The following FGF20 variants were observed in gnomAD, a reference collection of about 807,000 sequenced individuals.
The protein encoded by FGF20 is fibroblast growth factor 20.
Under a neutral mutation model 16.7 loss-of-function variants are expected in FGF20, and 8 were observed. The ratio of observed to expected loss-of-function variants is 0.48; its 90% CI spans 0.28 to 0.87. The LOEUF (loss-of-function observed/expected upper bound fraction) is 0.87, where lower values mean the gene tolerates loss of function less well. Ranked by LOEUF, FGF20 falls within the 40% of genes least tolerant of loss-of-function variation. FGF20 has a pLI of 0.10. For missense variants in FGF20, 397 were observed against 281.4 expected (o/e 1.41, Z -2.94); for synonymous variants, 161 against 118.6 (o/e 1.36, Z -2.32).
In FGF20 at chr8:16,995,635, A is replaced by G; in HGVS notation, c.390+20T>C. 9.0e-7 allele frequency: 1 copy of G among 1,116,460 alleles called. No individual in the cohort carries two copies. The highest frequency in any genetic ancestry group is 1.3e-6 in the Non-Finnish European group (1 of 785,654). The allele number at this position is 1,116,460 out of a possible 1,614,324, so 69.2% of individuals were successfully genotyped here. On this transcript the variant is annotated intron_variant, in intron 2 of 2. Transcript: ENST00000180166. Reference sequence around the variant, plus strand: ...ATTTTAAGAATTACAATAATAATAAAAAATAAAAATAATACGTACTGATCC... The same window carrying G: ...ATTTTAAGAATTACAATAATAATAAGAAATAAAAATAATACGTACTGATCC...
At chr8:17,001,633 C>T (rs1273126888) in intron 1 of FGF20, 114 bp downstream of exon 1, 34 of 1,257,016 alleles carry the variant, frequency 2.7e-5, no homozygotes, top group Non-Finnish European at 3.5e-5. Context: ...AGGGGAGCTC[C>T]GGGCTCCGCG....
At chr8:16,993,371 T>A in intron 2 of FGF20, 54 bp from the exon 3 acceptor site, 1 of 1,486,276 alleles carries the variant, frequency 6.7e-7, no homozygotes, top group South Asian at 1.3e-5. Context: ...TGAGATAATT[T>A]CCTTACAAGT....
At chr8:16,994,398 T>G (rs1809995680) in intron 2 of FGF20, among the ~76,000 whole-genome samples, 1 of 152,252 alleles carries the variant, frequency 6.6e-6, no homozygotes, top group Non-Finnish European at 1.5e-5. Flanking sequence ...CTTTTCAAAA[T>G]GGACTGTATA....
In FGF20 at chr8:16,992,752, C is replaced by G. The variant is rs895657448; in HGVS notation, c.*320G>C. 8 of 205,158 alleles carry G rather than the reference C, an allele frequency of 3.9e-5. No individual in the cohort carries two copies. The highest frequency in any genetic ancestry group is 7.7e-5 in the Non-Finnish European group (8 of 103,392). The allele number at this position is 205,158 out of a possible 1,614,324, so 12.7% of individuals were successfully genotyped here. A position where few individuals can be genotyped will look rare whatever the true frequency, so the allele number is the denominator to read the frequency against. On this transcript the variant is annotated 3_prime_UTR_variant, in exon 3 of 3. Coordinates refer to ENST00000180166, the MANE Select transcript of FGF20 (RefSeq NM_019851.3). Reference sequence around the variant, plus strand: ...CATAAATTTTAAAGTAAACATAATCCAGAGAGGTGAGGCACCAGCAGCAAC... The same window carrying G: ...CATAAATTTTAAAGTAAACATAATCGAGAGAGGTGAGGCACCAGCAGCAAC...
At position 16,992,447 on chromosome 8, in the gene FGF20, T is replaced by C. The variant is rs922966559; in HGVS notation, c.*625A>G. ...TTGTTGTTTTTTACTCTTTGTATTA[T>C]CTTCATATCCCAGTAAAAAATAAAC... is the stretch of plus-strand genomic sequence containing the variant. On this transcript the variant is annotated 3_prime_UTR_variant, in exon 3 of 3. Coordinates refer to ENST00000180166, the MANE Select transcript of FGF20 (RefSeq NM_019851.3). The C allele has an allele frequency of 6.6e-6, 1 of 151,796 alleles. No homozygotes were observed. The allele number at this position is 151,796 out of a possible 1,614,324, so 9.4% of individuals were successfully genotyped here. A position where few individuals can be genotyped will look rare whatever the true frequency, so the allele number is the denominator to read the frequency against.
In FGF20 at chr8:17,002,277, GC is replaced by G. The variant is rs1810207623; in HGVS notation, c.-246del. On this transcript the variant is annotated 5_prime_UTR_variant, in exon 1 of 3. Coordinates refer to ENST00000180166, the MANE Select transcript of FGF20 (RefSeq NM_019851.3). Reference sequence around the variant, plus strand: ...TGGCTCTGCAGAAATATCTATAGCTGCCGCTGCCAATACTAGGACTAGGGCT... The same window carrying G: ...TGGCTCTGCAGAAATATCTATAGCTGCGCTGCCAATACTAGGACTAGGGCT... 1 of 436,778 alleles carries G rather than the reference GC, an allele frequency of 2.3e-6. No homozygotes were observed. The highest frequency in any genetic ancestry group is 4.2e-5 in the East Asian group (1 of 23,664). 27.1% of individuals were successfully genotyped at this position (436,778 alleles called of 1,614,324 possible). A position where few individuals can be genotyped will look rare whatever the true frequency, so the allele number is the denominator to read the frequency against.
At chr8:16,999,902 A>G (rs1050525381) in intron 1 of FGF20, among the ~76,000 whole-genome samples, 5 of 152,184 alleles carry the variant, frequency 3.3e-5, no homozygotes, top group East Asian at 1.9e-4. Flanking sequence ...AATTCTGACT[A>G]TTACCTAAGC....
intron 1 of FGF20, among the ~76,000 whole-genome samples, chr8:16,997,520 T>C (rs577893660): frequency 6.6e-6 from 1 of 152,354 alleles, no homozygotes; most frequent in African/African-American, 2.4e-5. Flanking sequence ...TAATTCACTC[T>C]TTGTCAGAAA....
intron 2 of FGF20, among the ~76,000 whole-genome samples, chr8:16,995,159 T>A (rs1277350262): frequency 1.3e-5 from 2 of 152,222 alleles, no homozygotes; most frequent in East Asian, 3.8e-4. Context: ...ACTACAGGCA[T>A]AGAAGAACAG....
At chr8:16,995,569 C>T (rs529234638) in intron 2 of FGF20, 86 bp downstream of exon 2, 8 of 545,264 alleles carry the variant, frequency 1.5e-5, no homozygotes, top group Non-Finnish European at 2.4e-5. Flanking sequence ...TTCTACCAGA[C>T]ATTCTTGGTA....
rs750018995 is a variant in FGF20 at position 17,001,899 on chromosome 8, T to G, written c.134A>C (p.Glu45Ala). Residue 45 changes from glutamate (E) to alanine (A), a missense_variant, in exon 1 of 3, where the codon GAG (glutamate) becomes GCG (alanine). Physicochemically the swap from Glu to Ala is moderately radical, Grantham distance 107. Coordinates refer to ENST00000180166, the MANE Select transcript of FGF20 (RefSeq NM_019851.3). ...PLLGERRSAA[E>A]RSARGGPGAA... ...CCCCGGCCCGCCGCGCGCGCTCCGC[T>G]CCGCCGCGCTCCTGCGCTCGCCCAG... The G allele has an allele frequency of 3.5e-5, 51 of 1,462,340 alleles. No individual in the cohort carries two copies. Among genetic ancestry groups the G allele is most frequent in the South Asian group, 8.2e-5 (6 of 73,438 alleles). The allele number at this position is 1,462,340 out of a possible 1,614,324, so 90.6% of individuals were successfully genotyped here. A position where few individuals can be genotyped will look rare whatever the true frequency, so the allele number is the denominator to read the frequency against.
In FGF20 at chr8:17,002,168, G is replaced by A. The variant is rs750622653; in HGVS notation, c.-136C>T. The stretch of plus-strand genomic sequence containing the variant: ...CCGGTTACTCCTCTGAGGTCGCTCC[G>A]GAGGGACTTTGCACTGAAATGGCAG... On this transcript the variant is annotated 5_prime_UTR_variant, in exon 1 of 3. Coordinates refer to ENST00000180166, the MANE Select transcript of FGF20 (RefSeq NM_019851.3). The A allele has an allele frequency of 1.2e-4, 108 of 866,444 alleles. No individual in the cohort carries two copies. The highest frequency in any genetic ancestry group is 1.5e-4 in the Non-Finnish European group (96 of 623,802). 53.7% of individuals were successfully genotyped at this position (866,444 alleles called of 1,614,324 possible).
chr8:16,994,192 T>A (rs770500374), intron 2 of FGF20, among the ~76,000 whole-genome samples: 8 of 152,194 alleles, frequency 5.3e-5, no homozygotes, highest in Non-Finnish European at 1.0e-4. Flanking sequence ...TCTTTTTCCA[T>A]CGTTAGAGGC....
chr8:16,998,312 T>C (rs949692219), intron 1 of FGF20, among the ~76,000 whole-genome samples: 1 of 152,204 alleles, frequency 6.6e-6, no homozygotes, highest in African/African-American at 2.4e-5. Flanking sequence ...AATTTTGCAA[T>C]GGCTCATGGG....
intron 1 of FGF20, among the ~76,000 whole-genome samples, chr8:16,998,623 T>G (rs1008743455): frequency 5.9e-5 from 9 of 152,252 alleles, no homozygotes; most frequent in Admixed American, 5.9e-4. Flanking sequence ...TGGTATCACC[T>G]TCAAAGCCAG....
At position 16,995,696 on chromosome 8, in the gene FGF20, G is replaced by T; in HGVS notation, c.349C>A (p.Leu117Ile). The change falls in exon 2 of 3, where the codon CTC becomes ATC. Residue 117 changes from leucine to isoleucine, a missense_variant. Coordinates refer to ENST00000180166, the MANE Select transcript of FGF20 (RefSeq NM_019851.3). ...LVSIRGVDSG[L>I]YLGMNDKGEL... Reference sequence around the variant, plus strand: ...CCTTTGTCATTCATTCCAAGATAGAGACCACTGTCCACACCTCTAATACTG... The same window carrying T: ...CCTTTGTCATTCATTCCAAGATAGATACCACTGTCCACACCTCTAATACTG... 1.2e-6 allele frequency: 2 copies of T among 1,607,238 alleles called. No homozygotes were observed. The highest frequency in any genetic ancestry group is 1.7e-6 in the Non-Finnish European group (2 of 1,174,774).
chr8:17,000,735 C>G (rs1585104055), intron 1 of FGF20, among the ~76,000 whole-genome samples: 1 of 152,048 alleles, frequency 6.6e-6, no homozygotes, highest in East Asian at 1.9e-4. Context: ...CTGATGAAGG[C>G]ACTTTCTAGT....
At chr8:16,994,835 C>T (rs912194536) in intron 2 of FGF20, among the ~76,000 whole-genome samples, 2 of 152,090 alleles carry the variant, frequency 1.3e-5, no homozygotes, top group Non-Finnish European at 2.9e-5. Context: ...TTTTATCTTA[C>T]CAATTCTTAT....
intron 1 of FGF20, among the ~76,000 whole-genome samples, chr8:16,997,808 C>G (rs1478856213): frequency 6.6e-6 from 1 of 152,030 alleles, no homozygotes; most frequent in African/African-American, 2.4e-5. Flanking sequence ...CTGCCGGAAA[C>G]AAAAACATAG....
Sources: allele counts gnomAD v4.1 joint callset (sites outside exome capture counted in the v4.1 genomes callset), GRCh38; gene constraint gnomAD v4.1.1; transcripts MANE v1.5; gene names NCBI Gene and HGNC (gene_info 2026-07-23, HGNC 2026-07-21).